SNTG1: variants seen among roughly 807,000 people sequenced by gnomAD.
The protein encoded by SNTG1 is syntrophin gamma 1.
In SNTG1, 39 loss-of-function variants were observed where a neutral mutation model predicts 74.7. The observed-to-expected ratio is 0.52, with a 90% CI of 0.40 to 0.68. The LOEUF is 0.68. SNTG1 is among the 30% of genes least tolerant of loss of function. The probability of loss-of-function intolerance (pLI) is 0.00; values close to 1 mark genes in which losing one functional copy is unlikely to be tolerated. For synonymous variants in SNTG1, 254 were observed against 217.1 expected (o/e 1.17, Z -1.49); for missense variants, 685 against 609.5 (o/e 1.12, Z -1.30).
intron 17 of SNTG1, among the ~76,000 whole-genome samples, chr8:50,733,394 G>T (rs1487698335): frequency 2.0e-5 from 3 of 151,926 alleles, no homozygotes; most frequent in Non-Finnish European, 4.4e-5. Context: ...ATGAACACAT[G>T]AATGAATGTA....
chr8:50,287,184 T>A (rs796086976), intron 2 of SNTG1, among the ~76,000 whole-genome samples: 9 of 152,248 alleles, frequency 5.9e-5, no homozygotes, highest in South Asian at 2.1e-4. Flanking sequence ...TCCATCTGTA[T>A]GTTTTCAACA....
intron 1 of SNTG1, among the ~76,000 whole-genome samples, chr8:49,929,080 G>A (rs1160434969): frequency 2.0e-5 from 3 of 152,068 alleles, no homozygotes; most frequent in Non-Finnish European, 4.4e-5. Flanking sequence ...ACAAATTATG[G>A]TAGGACATCA....
At chr8:50,693,055 G>C (rs564140513) in intron 15 of SNTG1, among the ~76,000 whole-genome samples, 1 of 152,206 alleles carries the variant, frequency 6.6e-6, no homozygotes, top group Admixed American at 6.5e-5. Flanking sequence ...TCTGAGCCAG[G>C]TGCAGGATAT....
rs562475601 is a variant in SNTG1, at chr8:50,748,594, C to A, written c.1285-3407C>A. On this transcript the variant is annotated intron_variant, in intron 17 of 18. Coordinates refer to ENST00000642720, the MANE Select transcript of SNTG1 (RefSeq NM_018967.5). ...CATATACTGTGTCTTTTACAAATTG[C>A]AGGTTTGTGGCAACCCTGCATTGAG... Among the ~76,000 whole-genome samples the A allele has an allele frequency of 2.0e-5, 3 of 152,074 alleles. No individual in the cohort carries two copies. The Middle Eastern group carries it at 0.01, about 517-fold the overall frequency.
chr8:50,340,956 A>T (rs1015700561), intron 2 of SNTG1, among the ~76,000 whole-genome samples: 33 of 151,920 alleles, frequency 2.2e-4, no homozygotes, highest in Admixed American at 1.3e-4. Context: ...ACACAAAAAA[A>T]TTTTACTTTT....
intron 1 of SNTG1, among the ~76,000 whole-genome samples, chr8:50,034,611 T>A (rs1817995960): frequency 6.6e-6 from 1 of 151,932 alleles, no homozygotes; most frequent in Non-Finnish European, 1.5e-5. Context: ...ACCTGGAGAG[T>A]CTAGTGCAAG....
chr8:50,419,139 G>T (rs2093050108), intron 4 of SNTG1, among the ~76,000 whole-genome samples: 1 of 152,014 alleles, frequency 6.6e-6, no homozygotes, highest in Non-Finnish European at 1.5e-5. Flanking sequence ...TCCCAGATTG[G>T]TTACAGGAGA....
At chr8:50,039,286 T>C (rs1818420148) in intron 1 of SNTG1, among the ~76,000 whole-genome samples, 1 of 151,576 alleles carries the variant, frequency 6.6e-6, no homozygotes, top group African/African-American at 2.4e-5. Context: ...AAATACTGTG[T>C]CTACTAAAAA....
At chr8:50,180,758 T>G (rs1470380625) in intron 2 of SNTG1, among the ~76,000 whole-genome samples, 32 of 134,354 alleles carry the variant, frequency 2.4e-4, no homozygotes, top group African/African-American at 8.7e-4. Flanking sequence ...GCCTTTTTTT[T>G]TTTTTTTTTT....
At chr8:50,244,298 A>G (rs555844577) in intron 2 of SNTG1, among the ~76,000 whole-genome samples, 1 of 152,292 alleles carries the variant, frequency 6.6e-6, no homozygotes, top group South Asian at 2.1e-4. Flanking sequence ...TGGGGATTAC[A>G]ATTCAACATG....
intron 1 of SNTG1, among the ~76,000 whole-genome samples, chr8:50,090,431 G>T (rs1172625040): frequency 6.6e-6 from 1 of 152,138 alleles, no homozygotes; most frequent in African/African-American, 2.4e-5. Flanking sequence ...TTCCCTTCAT[G>T]GTGGTAAGAT....
intron 18 of SNTG1, among the ~76,000 whole-genome samples, chr8:50,767,722 T>A (rs1174426216): frequency 3.3e-5 from 5 of 151,992 alleles, no homozygotes; most frequent in Admixed American, 1.3e-4. Context: ...TATATTCTCA[T>A]AGTCATTTAT....
At chr8:50,016,438 C>A (rs1231447258) in intron 1 of SNTG1, among the ~76,000 whole-genome samples, 1 of 152,108 alleles carries the variant, frequency 6.6e-6, no homozygotes, top group African/African-American at 2.4e-5. Context: ...TCCTTGGCAA[C>A]TTCTTGTATA....
intron 2 of SNTG1, among the ~76,000 whole-genome samples, chr8:50,216,167 T>G (rs988579279): frequency 6.6e-6 from 1 of 152,176 alleles, no homozygotes; most frequent in Non-Finnish European, 1.5e-5. Context: ...TTGCTCCTTC[T>G]GTATCTTTCC....
intron 1 of SNTG1, among the ~76,000 whole-genome samples, chr8:49,963,003 T>A (rs1810832908): frequency 6.6e-6 from 1 of 152,166 alleles, no homozygotes. Context: ...TAGGTGCTTC[T>A]CAAGCCAGAG....
chr8:50,459,750 A>C (rs559500804), intron 8 of SNTG1, among the ~76,000 whole-genome samples: 1 of 152,290 alleles, frequency 6.6e-6, no homozygotes, highest in Non-Finnish European at 1.5e-5. Flanking sequence ...TCCCACTTAC[A>C]AAAGAACATG....
chr8:50,769,158 C>T (rs2095621131), intron 18 of SNTG1, among the ~76,000 whole-genome samples: 1 of 151,458 alleles, frequency 6.6e-6, no homozygotes, highest in Admixed American at 6.6e-5. Context: ...GTACTCTGTA[C>T]TCTTAACACT....
intron 1 of SNTG1, among the ~76,000 whole-genome samples, chr8:50,049,373 T>C (rs1819371656): frequency 1.3e-5 from 2 of 152,144 alleles, no homozygotes; most frequent in Non-Finnish European, 2.9e-5. Flanking sequence ...AGCTAAATTA[T>C]ATCAAATAGG....
chr8:50,771,508 A>G (rs1221301299), intron 18 of SNTG1, among the ~76,000 whole-genome samples: 1 of 152,128 alleles, frequency 6.6e-6, no homozygotes. Context: ...AGCACAATTT[A>G]TAATTAAGAG....
Sources: gnomAD v4.1 joint callset for allele counts (sites outside exome capture counted in the v4.1 genomes callset) on GRCh38, gnomAD v4.1.1 for gene constraint, MANE v1.5 for transcripts, NCBI Gene and HGNC (gene_info 2026-07-23, HGNC 2026-07-21) for gene names.